Variants in THADA observed in about 807,000 individuals in gnomAD.
THADA encodes tRNA (32-2'-O)-methyltransferase regulator THADA.
In THADA, 213 loss-of-function variants were observed where a neutral mutation model predicts 219.8. The ratio of observed to expected loss-of-function variants is 0.97; its 90% CI spans 0.87 to 1.09. THADA has a LOEUF of 1.09. THADA is among the 50% of genes least tolerant of loss of function. The pLI is 0.00. For synonymous variants in THADA, 1,018 were observed against 828.9 expected, an observed-to-expected ratio of 1.23 and a Z score of -3.92; for missense variants, 2,956 against 2,311.3, an observed-to-expected ratio of 1.28 and a Z score of -5.72.
At chr2:43,507,068 G>C (rs1689767817) in intron 23 of THADA, among the ~76,000 whole-genome samples, 1 of 151,982 alleles carries the variant, frequency 6.6e-6, no homozygotes, top group Non-Finnish European at 1.5e-5. Flanking sequence ...CTTTTCCATA[G>C]CTAACACTAA....
intron 22 of THADA, among the ~76,000 whole-genome samples, chr2:43,513,665 C>T (rs1690791157): frequency 6.6e-6 from 1 of 152,026 alleles, no homozygotes. Flanking sequence ...TCTAGTTCCT[C>T]TGATAGAGAG....
intron 26 of THADA, among the ~76,000 whole-genome samples, chr2:43,475,523 C>A (rs935939143): frequency 6.7e-6 from 1 of 150,370 alleles, no homozygotes; most frequent in Admixed American, 6.6e-5. Context: ...AGGTGAAATT[C>A]GAAAGTGAAT....
At chr2:43,518,668 T>C (rs1200559075) in intron 22 of THADA, among the ~76,000 whole-genome samples, 1 of 152,240 alleles carries the variant, frequency 6.6e-6, no homozygotes, top group Non-Finnish European at 1.5e-5. Context: ...GTTTTAACAA[T>C]AGTTATAAAA....
intron 23 of THADA, among the ~76,000 whole-genome samples, chr2:43,506,408 T>C (rs1689673065): frequency 6.6e-6 from 1 of 152,194 alleles, no homozygotes; most frequent in Admixed American, 6.5e-5. Context: ...AGGAATGAGG[T>C]ACTAATATAT....
chr2:43,534,291 A>G (rs1441619375), intron 21 of THADA, among the ~76,000 whole-genome samples: 1 of 152,192 alleles, frequency 6.6e-6, no homozygotes, highest in Non-Finnish European at 1.5e-5. Context: ...CAGCTTATCC[A>G]TCATTTCAAA....
chr2:43,437,421 G>C (rs906392894), intron 26 of THADA, among the ~76,000 whole-genome samples: 1 of 152,146 alleles, frequency 6.6e-6, no homozygotes, highest in African/African-American at 2.4e-5. Context: ...ACAAGTGATT[G>C]GATCTGAGAT....
chr2:43,590,142 T>G (rs1018889826), intron 4 of THADA, among the ~76,000 whole-genome samples: 1 of 152,192 alleles, frequency 6.6e-6, no homozygotes, highest in African/African-American at 2.4e-5. Context: ...ATGGAAGCCT[T>G]AGTTTTTATT....
intron 26 of THADA, among the ~76,000 whole-genome samples, chr2:43,460,435 C>G (rs1324471742): frequency 6.6e-6 from 1 of 151,950 alleles, no homozygotes; most frequent in African/African-American, 2.4e-5. Context: ...CAGAACTGGG[C>G]CTAACATCTC....
intron 26 of THADA, among the ~76,000 whole-genome samples, chr2:43,435,502 G>A (rs917472885): frequency 2.7e-5 from 4 of 146,846 alleles, no homozygotes; most frequent in African/African-American, 9.9e-5. Flanking sequence ...GGGAGGGAGG[G>A]CTGAGCAAGG....
intron 29 of THADA, among the ~76,000 whole-genome samples, chr2:43,369,921 A>G (rs1306992511): frequency 1.3e-5 from 2 of 152,208 alleles, no homozygotes; most frequent in Non-Finnish European, 2.9e-5. Context: ...TTGTACTCCA[A>G]TGTTTCTACT....
At chr2:43,310,208 T>G in intron 31 of THADA, among the ~76,000 whole-genome samples, 1 of 27,294 alleles carries the variant, frequency 3.7e-5, no homozygotes, top group African/African-American at 1.4e-4. Flanking sequence ...CCTCCCTCCC[T>G]CCCTCCCTCC....
chr2:43,553,317 T>C (rs192997334), intron 17 of THADA, among the ~76,000 whole-genome samples: 1 of 152,300 alleles, frequency 6.6e-6, no homozygotes, highest in Non-Finnish European at 1.5e-5. Context: ...ATTGGTATTT[T>C]GAAGTCCTAA....
At chr2:43,287,294 T>C (rs1220036506) in intron 34 of THADA, among the ~76,000 whole-genome samples, 1 of 152,134 alleles carries the variant, frequency 6.6e-6, no homozygotes, top group Non-Finnish European at 1.5e-5. Flanking sequence ...CAAGTTCCTT[T>C]AGTCTTTTTT....
At chr2:43,357,639 G>A (rs1295366322) in intron 29 of THADA, among the ~76,000 whole-genome samples, 3 of 152,174 alleles carry the variant, frequency 2.0e-5, no homozygotes, top group African/African-American at 4.8e-5. Flanking sequence ...GGGACCAGTT[G>A]AAAAGAGTAA....
At chr2:43,239,009 G>A (rs1474210671) in intron 36 of THADA, among the ~76,000 whole-genome samples, 2 of 152,160 alleles carry the variant, frequency 1.3e-5, no homozygotes, top group Non-Finnish European at 1.5e-5. Context: ...AATCTTCCTG[G>A]AGTGCTTCAA....
intron 16 of THADA, among the ~76,000 whole-genome samples, chr2:43,557,566 C>T (rs902727742): frequency 1.3e-5 from 2 of 152,322 alleles, no homozygotes; most frequent in Non-Finnish European, 2.9e-5. Context: ...CTATATCTCA[C>T]AGAAACATCC....
intron 20 of THADA, among the ~76,000 whole-genome samples, chr2:43,545,510 C>G (rs1695904695): frequency 6.6e-6 from 1 of 152,056 alleles, no homozygotes; most frequent in Non-Finnish European, 1.5e-5. Context: ...GTCCTGGACT[C>G]TTTTTGTTGG....
intron 29 of THADA, among the ~76,000 whole-genome samples, chr2:43,359,155 C>T (rs1669208180): frequency 6.6e-6 from 1 of 152,202 alleles, no homozygotes; most frequent in Admixed American, 6.5e-5. Flanking sequence ...GTGTCTTAAG[C>T]AAAAGCCTCT....
chr2:43,309,347 C>G (rs774132379), intron 31 of THADA, among the ~76,000 whole-genome samples: 2 of 151,588 alleles, frequency 1.3e-5, no homozygotes, highest in Non-Finnish European at 2.9e-5. Flanking sequence ...GGTTTTTACC[C>G]AAGAGAAATG....
Sources: gnomAD v4.1 joint callset for allele counts (sites outside exome capture counted in the v4.1 genomes callset) on GRCh38, gnomAD v4.1.1 for gene constraint, MANE v1.5 for transcripts, NCBI Gene and HGNC (gene_info 2026-07-23, HGNC 2026-07-21) for gene names.